TRPM3: variants seen among roughly 807,000 people sequenced by gnomAD.
TRPM3 encodes the protein long transient receptor potential channel 3.
A neutral mutation model predicts 181.2 loss-of-function variants in TRPM3; 77 were observed. The ratio of observed to expected loss-of-function variants is 0.42; its 90% CI spans 0.35 to 0.51. The LOEUF is 0.51. Ranked by LOEUF, TRPM3 falls within the 20% of genes least tolerant of loss-of-function variation. The pLI, the probability that TRPM3 is intolerant of heterozygous loss-of-function variation, is 0.01. For synonymous variants in TRPM3, 745 were observed against 796.4 expected (o/e 0.94, Z 1.09); for missense variants, 1,759 against 2,196.7 (o/e 0.80, Z 3.98).
At position 71,026,274 on chromosome 9, in the gene TRPM3, G is replaced by A. The variant is rs372225565; in HGVS notation, c.177+94904C>T. 6.0e-4 allele frequency among the ~76,000 whole-genome samples: 91 copies of A among 152,240 alleles called. 1 individual carries two copies. The East Asian group carries it at 9.9e-3, about 17-fold the overall frequency. On this transcript the variant is annotated intron_variant, in intron 1 of 25. Transcript: ENST00000677713. Reference sequence around the variant, plus strand: ...CAGATGGGGCAGGTCTGACCTGAGCGCCCCTCCATCTGCTGGCCTCTCCCA... The same window carrying A: ...CAGATGGGGCAGGTCTGACCTGAGCACCCCTCCATCTGCTGGCCTCTCCCA...
At chr9:71,437,460 A>G (rs1317436107) in intron 1 of TRPM3, among the ~76,000 whole-genome samples, 1 of 152,234 alleles carries the variant, frequency 6.6e-6, no homozygotes, top group East Asian at 1.9e-4. Context: ...GTGTTTATAA[A>G]TGATGTTTTG....
chr9:70,754,209 T>A (rs1232977637), intron 8 of TRPM3, among the ~76,000 whole-genome samples: 1 of 152,152 alleles, frequency 6.6e-6, no homozygotes, highest in East Asian at 1.9e-4. Context: ...ATGCACATAA[T>A]CAGCCTCACT....
intron 1 of TRPM3, among the ~76,000 whole-genome samples, chr9:71,033,223 A>C (rs528291192): frequency 6.6e-6 from 1 of 152,362 alleles, no homozygotes; most frequent in South Asian, 2.1e-4. Flanking sequence ...TCAGAAAGTC[A>C]AACAGCCAGA....
chr9:71,364,984 A>C (rs771260748), intron 1 of TRPM3, among the ~76,000 whole-genome samples: 95 of 152,244 alleles, frequency 6.2e-4, no homozygotes, highest in Non-Finnish European at 1.1e-3. Context: ...TGCTGGTTTT[A>C]GCAATGTAGA....
chr9:71,127,292 A>AACAC (rs60199233), intron 1 of TRPM3, among the ~76,000 whole-genome samples: 1,490 of 143,834 alleles, frequency 0.01, 24 homozygotes, highest in East Asian at 0.076. Context: ...AGCTGACCAA[A>AACAC]ACACACACAC....
chr9:70,955,620 A>C (rs2097059886), intron 1 of TRPM3, among the ~76,000 whole-genome samples: 1 of 152,210 alleles, frequency 6.6e-6, no homozygotes, highest in African/African-American at 2.4e-5. Flanking sequence ...AATCAAGGAA[A>C]GCGCTAGAAC....
intron 1 of TRPM3, among the ~76,000 whole-genome samples, chr9:71,036,667 G>T (rs1052177025): frequency 2.6e-5 from 4 of 152,198 alleles, no homozygotes; most frequent in African/African-American, 9.7e-5. Context: ...TTGGCCTTTT[G>T]CCCAGATTAA....
At chr9:71,241,745 T>C (rs2081704027) in intron 1 of TRPM3, among the ~76,000 whole-genome samples, 3 of 152,196 alleles carry the variant, frequency 2.0e-5, no homozygotes, top group African/African-American at 7.2e-5. Flanking sequence ...AGCTTACTAA[T>C]CTGACATACT....
At chr9:70,683,387 C>CTTCCTTCCT (rs1435283759) in intron 8 of TRPM3, among the ~76,000 whole-genome samples, 2 of 148,368 alleles carry the variant, frequency 1.3e-5, no homozygotes, top group African/African-American at 2.5e-5. Context: ...GCCCAGCTTC[C>CTTCCTTCCT]TTCCTTCCTT....
Position 70,992,528 on chromosome 9 carries a change from C to T in TRPM3, c.178-128017G>A, listed in dbSNP as rs1485542876. Among the ~76,000 whole-genome samples the T allele has an allele frequency of 2.0e-5, 3 of 152,138 alleles. No individual in the cohort carries two copies. In the East Asian group the frequency reaches 5.8e-4, roughly 29 times the overall value. Reference sequence around the variant, plus strand: ...TTCTCTTGAAGCTTATAATGTAGAGCAACACTGTCTAACAAAACTTTCTGT... The same window carrying T: ...TTCTCTTGAAGCTTATAATGTAGAGTAACACTGTCTAACAAAACTTTCTGT... On this transcript the variant is annotated intron_variant, in intron 1 of 25. Coordinates refer to ENST00000677713, the MANE Select transcript of TRPM3 (RefSeq NM_001366145.2).
chr9:70,811,192 A>G, intron 6 of TRPM3: 1 of 1,612,666 alleles, frequency 6.2e-7, no homozygotes, highest in Non-Finnish European at 8.5e-7. Flanking sequence ...ACTGGCAACT[A>G]CCCCAAAATG....
chr9:70,609,862 C>T (rs577712565), intron 19 of TRPM3, among the ~76,000 whole-genome samples: 9 of 151,746 alleles, frequency 5.9e-5, no homozygotes, highest in South Asian at 4.2e-4. Flanking sequence ...ACAGTTCCAC[C>T]GTGGCTGGAA....
At chr9:71,155,445 A>G (rs111872715) in intron 1 of TRPM3, among the ~76,000 whole-genome samples, 1 of 150,162 alleles carries the variant, frequency 6.7e-6, no homozygotes, top group African/African-American at 2.4e-5. Flanking sequence ...CAGCCTCCCA[A>G]GTAGCTGAGA....
chr9:71,204,979 G>C lies in TRPM3; in HGVS notation c.183+241674C>G, dbSNP rs527835833. Among the ~76,000 whole-genome samples the C allele has an allele frequency of 1.1e-3, 169 of 151,858 alleles. 2 individuals carry two copies. The highest frequency in any genetic ancestry group is 3.6e-3 in the African/African-American group (148 of 41,420). ...ATCGCAAGGACAAAAAACCAAACAC[G>C]GCATGTTCTCACTCATAGATGGGAA... On this transcript the variant is annotated intron_variant, in intron 1 of 24. Coordinates refer to the TRPM3 transcript ENST00000357533.
chr9:70,591,934 C>G (rs1410890465), intron 21 of TRPM3, among the ~76,000 whole-genome samples: 1 of 152,160 alleles, frequency 6.6e-6, no homozygotes, highest in African/African-American at 2.4e-5. Context: ...CCTAATGACT[C>G]AGACCTGTAC....
intron 5 of TRPM3, among the ~76,000 whole-genome samples, chr9:70,837,698 C>A (rs2094410526): frequency 6.6e-6 from 1 of 152,170 alleles, no homozygotes; most frequent in Non-Finnish European, 1.5e-5. Flanking sequence ...GAAGTTCCTT[C>A]TTGACTTTAT....
intron 1 of TRPM3, among the ~76,000 whole-genome samples, chr9:70,987,434 G>C (rs925396074): frequency 1.3e-5 from 2 of 152,110 alleles, no homozygotes; most frequent in Non-Finnish European, 2.9e-5. Context: ...GATGTAGATG[G>C]TAATTGAAAC....
chr9:71,221,569 A>G (rs1312678169), intron 1 of TRPM3, among the ~76,000 whole-genome samples: 5 of 152,136 alleles, frequency 3.3e-5, no homozygotes, highest in African/African-American at 1.2e-4. Flanking sequence ...CTTATCACGT[A>G]TGTCTTTTGG....
intron 1 of TRPM3, among the ~76,000 whole-genome samples, chr9:71,435,704 T>TAAC (rs1167390099): frequency 2.6e-5 from 4 of 152,338 alleles, no homozygotes; most frequent in African/African-American, 9.6e-5. Flanking sequence ...GGCAGAATAA[T>TAAC]AACCTCCCAA....
Sources: allele counts gnomAD v4.1 joint callset (sites outside exome capture counted in the v4.1 genomes callset), GRCh38; gene constraint gnomAD v4.1.1; transcripts MANE v1.5; gene names NCBI Gene and HGNC (gene_info 2026-07-23, HGNC 2026-07-21).